The following MED27 variants were observed in gnomAD, a reference collection of about 807,000 sequenced individuals.
The protein encoded by MED27 is mediator complex subunit 27.
In MED27, 30 loss-of-function variants were observed where a neutral mutation model predicts 38.2. The observed-to-expected ratio is 0.79, with a 90% CI of 0.59 to 1.07. The LOEUF is 1.07. MED27 is among the 50% of genes least tolerant of loss of function. MED27 has a pLI of 0.00. For missense variants in MED27, 289 were observed against 397.5 expected (o/e 0.73, Z 2.32); for synonymous variants, 122 against 153.5 (o/e 0.79, Z 1.52).
At chr9:132,010,871 G>A (rs1319323005) in intron 3 of MED27, among the ~76,000 whole-genome samples, 3 of 152,036 alleles carry the variant, frequency 2.0e-5, no homozygotes, top group Admixed American at 6.6e-5. Context: ...ATCACACACC[G>A]GGTCCTGTTG....
At chr9:132,053,640 CAGAAGCAGGCTGT>C (rs1833512499) in intron 2 of MED27, among the ~76,000 whole-genome samples, 1 of 152,168 alleles carries the variant, frequency 6.6e-6, no homozygotes, top group South Asian at 2.1e-4. Flanking sequence ...TGGGAAACAG[CAGAAGCAGGCTGT>C]GGAACCAGGC....
At chr9:131,907,216 T>TCTCCCC in intron 4 of MED27, among the ~76,000 whole-genome samples, 1 of 151,816 alleles carries the variant, frequency 6.6e-6, no homozygotes, top group Admixed American at 6.6e-5. Context: ...TCCCTCTCCC[T>TCTCCCC]CTCCCCACGG....
At chr9:131,941,817 ATTTTTTT>A (rs766438800) in intron 3 of MED27, among the ~76,000 whole-genome samples, 70 of 82,518 alleles carry the variant, frequency 8.5e-4, no homozygotes, top group African/African-American at 2.9e-3. Context: ...ATTCTGCTGA[ATTTTTTT>A]TTTTTTTTTT....
intron 3 of MED27, among the ~76,000 whole-genome samples, chr9:131,975,668 G>C (rs1249706326): frequency 6.6e-6 from 1 of 152,224 alleles, no homozygotes; most frequent in Non-Finnish European, 1.5e-5. Context: ...ACGGCTTAGA[G>C]AAGCAGAGTA....
intron 4 of MED27, among the ~76,000 whole-genome samples, chr9:131,910,867 G>A (rs1332640052): frequency 6.6e-6 from 1 of 152,012 alleles, no homozygotes; most frequent in African/African-American, 2.4e-5. Flanking sequence ...ATTTTCCTTC[G>A]TTCGAAAATA....
chr9:131,969,619 C>G (rs779459965), intron 3 of MED27, among the ~76,000 whole-genome samples: 2 of 152,052 alleles, frequency 1.3e-5, no homozygotes, highest in Non-Finnish European at 2.9e-5. Flanking sequence ...GCTATTCTAG[C>G]CCAAGAGGGA....
intron 5 of MED27, among the ~76,000 whole-genome samples, chr9:131,893,180 G>T (rs1839256989): frequency 6.6e-6 from 1 of 152,166 alleles, no homozygotes; most frequent in Admixed American, 6.5e-5. Context: ...TCCCGATGGG[G>T]TGGGGAGACC....
At chr9:131,968,471 C>CAAAAAAAA (rs10556528) in intron 3 of MED27, among the ~76,000 whole-genome samples, 1 of 98,426 alleles carries the variant, frequency 1.0e-5, no homozygotes. Context: ...GACCCTGTCT[C>CAAAAAAAA]AAAAAAAAAA....
chr9:131,869,438 T>C (rs1838791464), intron 6 of MED27: 2 of 977,230 alleles, frequency 2.0e-6, no homozygotes, highest in South Asian at 9.5e-5. Flanking sequence ...ATCCACTCTG[T>C]GGCAGCCGAG....
chr9:131,899,428 G>A lies in MED27; in HGVS notation c.574-5436C>T, dbSNP rs1245570932. ...CCTCCTGGCGGTGGCCATTTGGTGT[G>A]CAAATCAATTGCTCCTACTCTCCAG... On this transcript the variant is annotated intron_variant, in intron 4 of 7. Coordinates refer to ENST00000292035, the MANE Select transcript of MED27 (RefSeq NM_004269.4). 3.3e-5 allele frequency among the ~76,000 whole-genome samples: 5 copies of A among 152,124 alleles called. No homozygotes were observed. The East Asian group carries it at 9.6e-4, about 29-fold the overall frequency.
At chr9:132,039,566 T>C (rs7862257) in intron 2 of MED27, among the ~76,000 whole-genome samples, 86,504 of 152,014 alleles carry the variant, frequency 0.57, 26,569 homozygotes, top group Non-Finnish European at 0.68. Flanking sequence ...GTCTCACAAG[T>C]GGCCACTGAG....
At chr9:131,911,131 A>G (rs1386827131) in intron 4 of MED27, among the ~76,000 whole-genome samples, 1 of 152,236 alleles carries the variant, frequency 6.6e-6, no homozygotes, top group African/African-American at 2.4e-5. Context: ...TAATTGCAAT[A>G]GTGCACCAAT....
intron 3 of MED27, among the ~76,000 whole-genome samples, chr9:131,963,511 G>C (rs1217469343): frequency 6.6e-6 from 1 of 152,070 alleles, no homozygotes; most frequent in Non-Finnish European, 1.5e-5. Context: ...CAGCTGTAAG[G>C]AGCCAGGCTC....
intron 3 of MED27, among the ~76,000 whole-genome samples, chr9:132,005,517 G>A (rs538861164): frequency 6.6e-6 from 1 of 152,250 alleles, no homozygotes; most frequent in East Asian, 1.9e-4. Flanking sequence ...GACCGTTCAT[G>A]AGCCACAATT....
chr9:131,893,403 G>C (rs1014726661), intron 5 of MED27, among the ~76,000 whole-genome samples: 1 of 152,160 alleles, frequency 6.6e-6, no homozygotes, highest in Non-Finnish European at 1.5e-5. Flanking sequence ...GAAATAACAC[G>C]TCTTCTTTCA....
At position 131,889,909 on chromosome 9, in the gene MED27, G is replaced by A. The variant is rs1343492954; in HGVS notation, c.681+3976C>T. On this transcript the variant is annotated intron_variant, in intron 5 of 7. Transcript: ENST00000292035. This position sits in a 1 kb window ranked among gnomAD's most constrained non-coding sequence, Gnocchi z 4.2. The stretch of plus-strand genomic sequence containing the variant: ...CAAAACACCCCCCTGCAGCCACCTA[G>A]GCACCAACTCAGCAAACGCAGGCTG... Among the ~76,000 whole-genome samples, 1 of 152,148 alleles carries A rather than the reference G, an allele frequency of 6.6e-6. No individual in the cohort carries two copies. Among genetic ancestry groups the A allele is most frequent in the Non-Finnish European group, 1.5e-5 (1 of 68,024 alleles).
chr9:132,060,843 G>C (rs1188327777), intron 2 of MED27, among the ~76,000 whole-genome samples: 1 of 152,116 alleles, frequency 6.6e-6, no homozygotes, highest in Non-Finnish European at 1.5e-5. Flanking sequence ...CAGCTACTTG[G>C]GAGGCTGAGG....
At position 131,982,669 on chromosome 9, in the gene MED27, G is replaced by A. The variant is rs1722062637; in HGVS notation, c.479+31668C>T. The stretch of plus-strand genomic sequence containing the variant: ...TGGGGAGGTGGATTTGAACCCAGTC[G>A]GTGGGACACTAGAGGTGGTCCTCTA... On this transcript the variant is annotated intron_variant, in intron 3 of 7. Transcript: ENST00000292035. The surrounding 1 kb of genome is among the most constrained non-coding windows in gnomAD (Gnocchi z 4.3). Among the ~76,000 whole-genome samples the A allele has an allele frequency of 6.6e-6, 1 of 152,138 alleles. No individual in the cohort carries two copies. The highest frequency in any genetic ancestry group is 1.5e-5 in the Non-Finnish European group (1 of 68,032).
intron 2 of MED27, among the ~76,000 whole-genome samples, chr9:132,044,584 C>T (rs1833290913): frequency 6.6e-6 from 1 of 152,254 alleles, no homozygotes; most frequent in Non-Finnish European, 1.5e-5. Flanking sequence ...CCGCCCACTG[C>T]ACCAGATTTT....
Sources: allele counts gnomAD v4.1 joint callset (sites outside exome capture counted in the v4.1 genomes callset), GRCh38; gene constraint gnomAD v4.1.1; non-coding constraint Gnocchi (gnomAD v3.1); transcripts MANE v1.5; gene names NCBI Gene and HGNC (gene_info 2026-07-23, HGNC 2026-07-21).